Variants in PCSK5 observed in about 807,000 individuals in gnomAD.
PCSK5 encodes prohormone convertase 5.
Under a neutral mutation model 233.2 loss-of-function variants are expected in PCSK5, and 129 were observed. The observed-to-expected ratio is 0.55, with a 90% CI of 0.48 to 0.64. The LOEUF (loss-of-function observed/expected upper bound fraction) is 0.64, where lower values mean the gene tolerates loss of function less well. Ranked by LOEUF, PCSK5 falls within the 30% of genes least tolerant of loss-of-function variation. PCSK5 has a pLI of 0.00. For missense variants in PCSK5, 2,076 were observed against 2,430.1 expected (o/e 0.85, Z 3.06); for synonymous variants, 825 against 879.2 (o/e 0.94, Z 1.09).
intron 24 of PCSK5, among the ~76,000 whole-genome samples, chr9:76,280,599 A>T (rs1408916028): frequency 6.6e-6 from 1 of 151,960 alleles, no homozygotes; most frequent in Non-Finnish European, 1.5e-5. Flanking sequence ...ACAATTAGCC[A>T]GATGTGGTGG....
At chr9:76,173,226 T>C (rs1294262478) in intron 13 of PCSK5, among the ~76,000 whole-genome samples, 1 of 152,124 alleles carries the variant, frequency 6.6e-6, no homozygotes, top group African/African-American at 2.4e-5. Flanking sequence ...TAGAAAGCAC[T>C]TAAAAACATC....
chr9:76,209,535 A>G (rs768079266), intron 20 of PCSK5: 11 of 516,072 alleles, frequency 2.1e-5, no homozygotes, highest in Non-Finnish European at 3.5e-5. Flanking sequence ...TTAGATGATG[A>G]ATGAATTACT....
chr9:76,120,909 A>C (rs978803853), intron 9 of PCSK5, among the ~76,000 whole-genome samples: 1 of 152,046 alleles, frequency 6.6e-6, no homozygotes, highest in African/African-American at 2.4e-5. Flanking sequence ...GAGTTTTTTC[A>C]TCTGAAATTT....
Position 76,250,809 on chromosome 9 carries a change from T to C in PCSK5, c.3142+10125T>C, listed in dbSNP as rs552089923. Among the ~76,000 whole-genome samples the C allele has an allele frequency of 7.9e-5, 12 of 152,334 alleles. No individual in the cohort carries two copies. In the South Asian group the frequency reaches 2.3e-3, roughly 29 times the overall value. On this transcript the variant is annotated intron_variant, in intron 24 of 37. Transcript: ENST00000674117. Reference sequence around the variant, plus strand: ...CTTTACGTTAGTAATAACCACATTATAATAAAAATAAAGGGCCTGATAGAG... The same window carrying C: ...CTTTACGTTAGTAATAACCACATTACAATAAAAATAAAGGGCCTGATAGAG...
At chr9:75,939,510 G>A (rs1564096021) in intron 2 of PCSK5, among the ~76,000 whole-genome samples, 1 of 152,228 alleles carries the variant, frequency 6.6e-6, no homozygotes, top group Non-Finnish European at 1.5e-5. Context: ...TTATCTGTAG[G>A]AGAATATTGG....
chr9:76,046,144 CAT>C (rs1274258156), intron 5 of PCSK5, among the ~76,000 whole-genome samples: 4 of 130,356 alleles, frequency 3.1e-5, no homozygotes, highest in Non-Finnish European at 6.4e-5. Context: ...AGCATTAACA[CAT>C]AATTTTTTCT....
chr9:75,930,166 C>A (rs1823715788), intron 1 of PCSK5, among the ~76,000 whole-genome samples: 1 of 152,148 alleles, frequency 6.6e-6, no homozygotes, highest in Admixed American at 6.6e-5. Context: ...CCCAGCTGAT[C>A]TCTTGAGACT....
intron 35 of PCSK5, 92 bp from the exon 36 acceptor site, chr9:76,350,736 T>C (rs977953940): frequency 1.8e-5 from 14 of 794,118 alleles, no homozygotes; most frequent in Non-Finnish European, 2.8e-5. Flanking sequence ...TTCAATTTAC[T>C]TGACATATTC....
chr9:76,350,923 G>A lies in PCSK5; in HGVS notation c.5062G>A (p.Gly1688Arg). The A allele has an allele frequency of 1.3e-6, 2 of 1,554,632 alleles. No individual in the cohort carries two copies. The highest frequency in any genetic ancestry group is 1.8e-6 in the Non-Finnish European group (2 of 1,130,120). The part of the protein sequence containing the change: ...SDCLVGEYRV[G>R]EGEKFNCEKC... ...CTGTCTTGTGGGGGAATACAGAGTG[G>A]GAGAGGTATGGAGGGCTGGGGGTCC... Residue 1688 changes from glycine (G) to arginine (R), a missense_variant, in exon 36 of 38, where the codon GGA (glycine) becomes AGA (arginine). Gly to Arg is a moderately radical substitution (Grantham distance 125, BLOSUM62 -2). Coordinates refer to ENST00000674117, the MANE Select transcript of PCSK5 (RefSeq NM_001372043.1).
intron 1 of PCSK5, among the ~76,000 whole-genome samples, chr9:75,900,917 A>G (rs1370385841): frequency 2.0e-5 from 3 of 152,006 alleles, no homozygotes; most frequent in Non-Finnish European, 4.4e-5. Context: ...TTGTATCCCC[A>G]GCACCTAGAA....
chr9:76,210,811 C>T (rs1825299803), intron 20 of PCSK5, among the ~76,000 whole-genome samples: 1 of 152,046 alleles, frequency 6.6e-6, no homozygotes, highest in Non-Finnish European at 1.5e-5. Flanking sequence ...AATGATTGAG[C>T]TAAAAGACAT....
intron 3 of PCSK5, among the ~76,000 whole-genome samples, chr9:76,018,989 A>T (rs1828070800): frequency 6.6e-6 from 1 of 152,136 alleles, no homozygotes; most frequent in African/African-American, 2.4e-5. Context: ...TAGTTTTAAC[A>T]CAAGAGTTAC....
intron 5 of PCSK5, among the ~76,000 whole-genome samples, chr9:76,066,272 C>T (rs976905786): frequency 2.6e-5 from 4 of 152,106 alleles, no homozygotes; most frequent in Admixed American, 6.5e-5. Flanking sequence ...GAGCATGGAA[C>T]ATCTTTTCAT....
Position 75,910,598 on chromosome 9 carries a change from T to G in PCSK5, c.192+19225T>G, listed in dbSNP as rs1822683172. Among the ~76,000 whole-genome samples the G allele has an allele frequency of 2.6e-5, 4 of 152,136 alleles. No individual in the cohort carries two copies. In the South Asian group the frequency reaches 8.3e-4, roughly 32 times the overall value. Reference sequence around the variant, plus strand: ...CAGAGTTCTTTTTTTTTTTTCTCTTTCCATGAAGACAGAAACTTAATGTGT... The same window carrying G: ...CAGAGTTCTTTTTTTTTTTTCTCTTGCCATGAAGACAGAAACTTAATGTGT... On this transcript the variant is annotated intron_variant, in intron 1 of 37. Transcript: ENST00000674117.
At position 76,328,158 on chromosome 9, in the gene PCSK5, C is replaced by A. The variant is rs773424808; in HGVS notation, c.4489C>A (p.Pro1497Thr). 2 of 1,612,852 alleles carry A rather than the reference C, an allele frequency of 1.2e-6. No individual in the cohort carries two copies. The highest frequency in any genetic ancestry group is 2.2e-5 in the South Asian group (2 of 91,070). The change falls in exon 33 of 38, where the codon CCC (proline) becomes ACC (threonine). Residue 1497 changes from proline to threonine, a missense_variant. Coordinates refer to ENST00000674117, the MANE Select transcript of PCSK5 (RefSeq NM_001372043.1). The part of the protein sequence containing the change: ...YWDEDAPGCK[P>T]CHVKCFHCMG... ...GGATGAGGATGCTCCCGGGTGCAAG[C>A]CCTGCCATGTTAAGTGCTTCCACTG...
At chr9:76,118,544 G>A (rs1832518240) in intron 9 of PCSK5, among the ~76,000 whole-genome samples, 1 of 151,952 alleles carries the variant, frequency 6.6e-6, no homozygotes, top group Non-Finnish European at 1.5e-5. Context: ...TTTGCCACTA[G>A]TATCTTAGAA....
intron 2 of PCSK5, among the ~76,000 whole-genome samples, chr9:75,974,276 G>T (rs965362634): frequency 6.6e-6 from 1 of 152,092 alleles, no homozygotes; most frequent in African/African-American, 2.4e-5. Flanking sequence ...AGCTCCAGCC[G>T]GTGCACTCAT....
intron 9 of PCSK5, among the ~76,000 whole-genome samples, chr9:76,116,845 G>A (rs1269862774): frequency 1.3e-5 from 2 of 152,082 alleles, no homozygotes; most frequent in Non-Finnish European, 2.9e-5. Context: ...GTTAAGTACT[G>A]TAACGGGACA....
chr9:76,055,279 C>A (rs769272837), intron 5 of PCSK5, among the ~76,000 whole-genome samples: 1 of 152,088 alleles, frequency 6.6e-6, no homozygotes, highest in Non-Finnish European at 1.5e-5. Context: ...TCCCCCATAA[C>A]AAAAAATTTA....
Sources: allele counts gnomAD v4.1 joint callset (sites outside exome capture counted in the v4.1 genomes callset), GRCh38; gene constraint gnomAD v4.1.1; transcripts MANE v1.5; gene names NCBI Gene and HGNC (gene_info 2026-07-23, HGNC 2026-07-21).